Variants in ZNF839 observed in about 807,000 individuals in gnomAD.
The protein encoded by ZNF839 is renal carcinoma antigen NY-REN-50.
A neutral mutation model predicts 56.4 loss-of-function variants in ZNF839; 38 were observed. The observed-to-expected ratio is 0.67, with a 90% CI of 0.52 to 0.88. The LOEUF (loss-of-function observed/expected upper bound fraction) is 0.88. Ranked by LOEUF, ZNF839 falls within the 40% of genes least tolerant of loss-of-function variation. The pLI is 0.00. For synonymous variants in ZNF839, 486 were observed against 493.5 expected (o/e 0.98, Z 0.20); for missense variants, 1,091 against 1,177.6 (o/e 0.93, Z 1.08).
intron 1 of ZNF839, among the ~76,000 whole-genome samples, chr14:102,324,416 G>A (rs192774721): frequency 1.2e-3 from 186 of 152,134 alleles, no homozygotes; most frequent in African/African-American, 4.2e-3. Flanking sequence ...GGTGGCAAGC[G>A]CCTGTAATCA....
At chr14:102,331,474 T>G in intron 2 of ZNF839, 148 bp from the exon 3 acceptor site, 1 of 659,822 alleles carries the variant, frequency 1.5e-6, no homozygotes, top group Non-Finnish European at 2.6e-6. Context: ...GGTCTCAAAC[T>G]CCTAACCTCA....
At chr14:102,329,119 G>A in intron 2 of ZNF839, among the ~76,000 whole-genome samples, 1 of 151,804 alleles carries the variant, frequency 6.6e-6, no homozygotes, top group Non-Finnish European at 1.5e-5. Flanking sequence ...ACAGGCACGA[G>A]CCACCACGCC....
chr14:102,342,237 A>G lies in ZNF839; in HGVS notation c.*58A>G. 1.3e-6 allele frequency: 2 copies of G among 1,536,036 alleles called. No homozygotes were observed. The highest frequency in any genetic ancestry group is 1.3e-5 in the South Asian group (1 of 78,916). On this transcript the variant is annotated 3_prime_UTR_variant, in exon 8 of 8. Transcript: ENST00000442396. ...GTCACCGTGGAGCCAGAGCCCTCAC[A>G]GTGAAGTGGAGTCAGATCCTAGATT...
upstream of ZNF839, among the ~76,000 whole-genome samples, chr14:102,318,226 G>A (rs1391450128): frequency 6.6e-6 from 1 of 152,220 alleles, no homozygotes; most frequent in Non-Finnish European, 1.5e-5. Flanking sequence ...TAGATGCAGG[G>A]ACACAGCATG....
chr14:102,337,606 G>A (rs558357455), intron 5 of ZNF839: 4 of 152,092 alleles, frequency 2.6e-5, no homozygotes, highest in Non-Finnish European at 5.9e-5. Flanking sequence ...GCTTTGAGGC[G>A]GAACTCGGCA....
intron 5 of ZNF839, chr14:102,336,667 A>G (rs758511270): frequency 3.2e-5 from 14 of 433,572 alleles, no homozygotes; most frequent in Non-Finnish European, 6.4e-5. Context: ...CTAGAAGAAA[A>G]TGGAAAACAC....
chr14:102,321,483 G>A (rs2073125984), intron 1 of ZNF839, among the ~76,000 whole-genome samples: 1 of 152,224 alleles, frequency 6.6e-6, no homozygotes, highest in South Asian at 2.1e-4. Flanking sequence ...TAGGCAGCAT[G>A]ATGGGATTGT....
At chr14:102,323,975 T>C (rs2073270680) in intron 1 of ZNF839, among the ~76,000 whole-genome samples, 1 of 152,222 alleles carries the variant, frequency 6.6e-6, no homozygotes, top group Non-Finnish European at 1.5e-5. Context: ...GATGATATCA[T>C]TTATATAAAG....
At chr14:102,330,296 G>C (rs1369446122) in intron 2 of ZNF839, among the ~76,000 whole-genome samples, 8 of 150,848 alleles carry the variant, frequency 5.3e-5, no homozygotes, top group Non-Finnish European at 1.2e-4. Context: ...GCAATGGCAT[G>C]ATCTCAGCTC....
At chr14:102,340,427 A>G (rs1886386147) in intron 7 of ZNF839, among the ~76,000 whole-genome samples, 1 of 151,216 alleles carries the variant, frequency 6.6e-6, no homozygotes, top group Non-Finnish European at 1.5e-5. Flanking sequence ...GCCCACCACC[A>G]CATCTGGCTA....
At chr14:102,338,042 G>A (rs1013461397) in intron 5 of ZNF839, among the ~76,000 whole-genome samples, 1 of 152,190 alleles carries the variant, frequency 6.6e-6, no homozygotes, top group African/African-American at 2.4e-5. Context: ...AGAGAAGCTG[G>A]GATCCAGCTC....
upstream of ZNF839, chr14:102,319,745 C>T (rs928279177): frequency 8.1e-7 from 1 of 1,228,246 alleles, no homozygotes; most frequent in East Asian, 3.2e-5. The surrounding 1 kb of genome is among the most constrained non-coding windows in gnomAD (Gnocchi z 4.5). Flanking sequence ...GACCCGGGTT[C>T]GAGTCCCCGC....
chr14:102,338,849 C>T lies in ZNF839; in HGVS notation c.1693C>T (p.Arg565Trp), dbSNP rs535523717. ...GTCATTAGGAATCACAGAATTCCTA[C>T]GGAAGAAAGAAATACACCCAGACAA... Reference protein sequence around the residue: ...AESLGITEFLRKKEIHPDNLG... With the variant: ...AESLGITEFLWKKEIHPDNLG... The change falls in exon 6 of 8, where the codon CGG becomes TGG. Residue 565 changes from arginine (R) to tryptophan (W), a missense_variant. Transcript: ENST00000442396. 2.3e-5 allele frequency: 37 copies of T among 1,613,770 alleles called. No homozygotes were observed. The highest frequency in any genetic ancestry group is 5.3e-5 in the African/African-American group (4 of 74,966).
chr14:102,321,666 G>A (rs1381035828), intron 1 of ZNF839, among the ~76,000 whole-genome samples: 1 of 152,136 alleles, frequency 6.6e-6, no homozygotes, highest in Non-Finnish European at 1.5e-5. Flanking sequence ...GATGAAACAA[G>A]ACCCAGATAA....
Position 102,319,875 on chromosome 14 carries a change from G to T in ZNF839, c.110G>T (p.Gly37Val). ...SGSVARVAPL[G>V]PEQLRQVLEQ... Reference sequence around the variant, plus strand: ...AGCGTCGCACGTGTGGCCCCGCTGGGCCCCGAGCAGCTGCGGCAGGTCCTG... The same window carrying T: ...AGCGTCGCACGTGTGGCCCCGCTGGTCCCCGAGCAGCTGCGGCAGGTCCTG... The change falls in exon 1 of 8, where the codon GGC (glycine) becomes GTC (valine). Residue 37 changes from glycine to valine, a missense_variant. By Grantham distance (109) the Gly-to-Val change is moderately radical. Around this residue, in one of 3 missense-constraint regions of ZNF839, gnomAD observed 614 missense variants for 629.2 expected, o/e 0.98. Coordinates refer to ENST00000442396, the MANE Select transcript of ZNF839 (RefSeq NM_018335.6). The surrounding 1 kb of genome is among the most constrained non-coding windows in gnomAD (Gnocchi z 4.5). 1 of 1,236,092 alleles carries T rather than the reference G, an allele frequency of 8.1e-7. No homozygotes were observed. The highest frequency in any genetic ancestry group is 1.0e-6 in the Non-Finnish European group (1 of 984,894). 76.6% of individuals were successfully genotyped at this position (1,236,092 alleles called of 1,614,324 possible). A position where few individuals can be genotyped will look rare whatever the true frequency, so the allele number is the denominator to read the frequency against.
intron 1 of ZNF839, among the ~76,000 whole-genome samples, chr14:102,320,753 C>T (rs1462386981): frequency 6.6e-6 from 1 of 152,188 alleles, no homozygotes; most frequent in Non-Finnish European, 1.5e-5. Context: ...AACATCCTTT[C>T]CCAGTGGGTT....
chr14:102,320,962 A>C (rs2073097063), intron 1 of ZNF839, among the ~76,000 whole-genome samples: 1 of 152,208 alleles, frequency 6.6e-6, no homozygotes, highest in Admixed American at 6.5e-5. Flanking sequence ...AGCTTTTTCC[A>C]CTAGAAGAAA....
chr14:102,342,214 C>CA lies in ZNF839; in HGVS notation c.*36dup, dbSNP rs1886614429. ...CTCTAGAAGCTGTGGAGTCGGTCGT[C>CA]ACCGTGGAGCCAGAGCCCTCACAGT... On this transcript the variant is annotated 3_prime_UTR_variant, in exon 8 of 8. Coordinates refer to ENST00000442396, the MANE Select transcript of ZNF839 (RefSeq NM_018335.6). 1 of 1,549,616 alleles carries CA rather than the reference C, an allele frequency of 6.5e-7. No individual in the cohort carries two copies. The highest frequency in any genetic ancestry group is 8.7e-7 in the Non-Finnish European group (1 of 1,145,228).
rs772537217 is a variant in ZNF839, at chr14:102,326,631, G to A, written c.935G>A (p.Ser312Asn). ...TCGAGCTGCTCCCTGAGGCCCAAAA[G>A]CTTTAAGTGTCAGACTTGTGAAAAG... is the stretch of plus-strand genomic sequence containing the variant. ...DLSSCSLRPK[S>N]FKCQTCEKSY... The change falls in exon 2 of 8, where the codon AGC becomes AAC. Residue 312 changes from serine to asparagine, a missense_variant. Around this residue, in one of 3 missense-constraint regions of ZNF839, gnomAD observed 614 missense variants for 629.2 expected, o/e 0.98. Transcript: ENST00000442396. This position sits in a 1 kb window ranked among gnomAD's most constrained non-coding sequence, Gnocchi z 4.3. 1 of 1,613,520 alleles carries A rather than the reference G, an allele frequency of 6.2e-7. No individual in the cohort carries two copies. The highest frequency in any genetic ancestry group is 8.5e-7 in the Non-Finnish European group (1 of 1,179,740).
Sources: gnomAD v4.1 joint callset for allele counts (sites outside exome capture counted in the v4.1 genomes callset) on GRCh38, gnomAD v4.1.1 for gene constraint, gnomAD v4.1.1 regional missense constraint, Gnocchi (gnomAD v3.1) non-coding constraint, MANE v1.5 for transcripts, NCBI Gene and HGNC (gene_info 2026-07-23, HGNC 2026-07-21) for gene names.